DPY19L1: variants seen among roughly 807,000 people sequenced by gnomAD.
DPY19L1 encodes the protein protein C-mannosyl-transferase DPY19L1.
DPY19L1 carries 35 observed loss-of-function variants against 96.9 expected under a neutral mutation model. That is an observed-to-expected ratio of 0.36 (90% CI 0.28 to 0.48). The LOEUF (loss-of-function observed/expected upper bound fraction) is 0.48, where lower values mean the gene tolerates loss of function less well. Ranked by LOEUF, DPY19L1 falls within the 20% of genes least tolerant of loss-of-function variation. The probability of loss-of-function intolerance (pLI) is 0.99; values close to 1 mark genes in which losing one functional copy is unlikely to be tolerated. For missense variants in DPY19L1, 521 were observed against 777.9 expected, an observed-to-expected ratio of 0.67 and a Z score of 3.93; for synonymous variants, 205 against 252.6, an observed-to-expected ratio of 0.81 and a Z score of 1.79.
At chr7:35,005,576 A>T (rs1785532927) in intron 6 of DPY19L1, among the ~76,000 whole-genome samples, 1 of 145,000 alleles carries the variant, frequency 6.9e-6, no homozygotes, top group Non-Finnish European at 1.5e-5. Flanking sequence ...GGGTGGGTGG[A>T]TCACCTGAGG....
chr7:34,953,187 C>T (rs1475843418), intron 13 of DPY19L1, among the ~76,000 whole-genome samples: 1 of 152,118 alleles, frequency 6.6e-6, no homozygotes, highest in East Asian at 1.9e-4. Flanking sequence ...CTTCCTTTAA[C>T]CAATGTCAAA....
At chr7:34,958,545 T>C (rs1402795701) in intron 10 of DPY19L1, among the ~76,000 whole-genome samples, 1 of 152,248 alleles carries the variant, frequency 6.6e-6, no homozygotes, top group Non-Finnish European at 1.5e-5. Context: ...ATACAAACAC[T>C]GCTATGATAG....
At chr7:34,981,192 T>C (rs1024336831) in intron 7 of DPY19L1, among the ~76,000 whole-genome samples, 51 of 152,154 alleles carry the variant, frequency 3.4e-4, no homozygotes, top group African/African-American at 1.2e-3. Context: ...GGGAGACTAC[T>C]ACCAGCCAAA....
rs145264198 is a variant in DPY19L1 at position 34,979,739 on chromosome 7, A to C, written c.823-6134T>G. On this transcript the variant is annotated intron_variant, in intron 7 of 21. Coordinates refer to ENST00000638088, the MANE Select transcript of DPY19L1 (RefSeq NM_001366673.1). The stretch of plus-strand genomic sequence containing the variant: ...TAAAATATCTAGAGATTAATAAAAT[A>C]TGTGAAAAACATTAAACATTCCTGA... Among the ~76,000 whole-genome samples the C allele has an allele frequency of 6.9e-3, 1,055 of 152,280 alleles. 4 individuals carry two copies. The highest frequency in any genetic ancestry group is 0.011 in the Non-Finnish European group (773 of 67,972).
intron 3 of DPY19L1, among the ~76,000 whole-genome samples, 168 bp downstream of exon 3, chr7:35,017,714 T>C (rs1379367457): frequency 3.3e-5 from 5 of 151,520 alleles, no homozygotes; most frequent in African/African-American, 4.8e-5. Flanking sequence ...AAAAAAGACA[T>C]AGTGAGTGGG....
At chr7:34,978,425 C>T (rs1784873388) in intron 7 of DPY19L1, among the ~76,000 whole-genome samples, 1 of 152,114 alleles carries the variant, frequency 6.6e-6, no homozygotes, top group Non-Finnish European at 1.5e-5. Context: ...TAAAAGACTG[C>T]TGGCACCATG....
Position 34,989,874 on chromosome 7 carries a change from G to C in DPY19L1, c.822+10C>G. On this transcript the variant is annotated intron_variant, in intron 7 of 21. Transcript: ENST00000638088. ...AGAAGTAATTCTGAGAATAGTTTTT[G>C]ATTACCTACCTCTCCATGATTGAAA... The C allele has an allele frequency of 6.3e-7, 1 of 1,576,672 alleles. No homozygotes were observed. The highest frequency in any genetic ancestry group is 8.6e-7 in the Non-Finnish European group (1 of 1,166,118).
intron 7 of DPY19L1, among the ~76,000 whole-genome samples, chr7:34,982,732 C>T (rs755496991): frequency 3.9e-5 from 6 of 152,134 alleles, no homozygotes; most frequent in Non-Finnish European, 7.4e-5. Context: ...GGTACAAACA[C>T]AAAAATGAGT....
At chr7:34,949,931 C>A (rs1430047639) in intron 13 of DPY19L1, 33 bp from the exon 14 acceptor site, 2 of 1,090,062 alleles carry the variant, frequency 1.8e-6, no homozygotes, top group Non-Finnish European at 2.7e-6. Flanking sequence ...TTATATTAAG[C>A]CATACACTGC....
At chr7:35,037,812 C>T (rs1786483377), upstream of DPY19L1, 1 of 1,225,422 alleles carries the variant, frequency 8.2e-7, no homozygotes, top group South Asian at 4.1e-5. Context: ...GCCCGGCTAC[C>T]CACACCTCTT....
In DPY19L1 at chr7:34,958,176, T is replaced by C. The variant is rs1320184055; in HGVS notation, c.1093-106A>G. 4.7e-5 allele frequency: 32 copies of C among 674,868 alleles called. No individual in the cohort carries two copies. The East Asian group carries it at 6.4e-4, about 14-fold the overall frequency. 41.8% of individuals were successfully genotyped at this position (674,868 alleles called of 1,614,324 possible). Reference sequence around the variant, plus strand: ...CCCATAATAAACAAAATTCAAACTGTTGAAAAGGGACTATAAAACAGCCCA... The same window carrying C: ...CCCATAATAAACAAAATTCAAACTGCTGAAAAGGGACTATAAAACAGCCCA... On this transcript the variant is annotated intron_variant, in intron 10 of 21. Coordinates refer to ENST00000638088, the MANE Select transcript of DPY19L1 (RefSeq NM_001366673.1).
At chr7:35,035,069 A>G (rs1253382165) in intron 1 of DPY19L1, among the ~76,000 whole-genome samples, 1 of 152,194 alleles carries the variant, frequency 6.6e-6, no homozygotes, top group African/African-American at 2.4e-5. Context: ...TCAGTTTATG[A>G]CGGTACAGAG....
chr7:34,975,424 G>A (rs976204410), intron 7 of DPY19L1, among the ~76,000 whole-genome samples: 4 of 152,206 alleles, frequency 2.6e-5, no homozygotes, highest in Non-Finnish European at 4.4e-5. Context: ...TGAGAGAGGT[G>A]AGGAAGCTGC....
At chr7:35,037,943 G>A (rs1786490234), upstream of DPY19L1, 2 of 1,213,686 alleles carry the variant, frequency 1.6e-6, no homozygotes, top group African/African-American at 1.6e-5. Context: ...GGATCGGGGC[G>A]CTGATTCAAG....
At chr7:35,018,623 G>T (rs1454499800) in intron 1 of DPY19L1, 27 bp from the exon 2 acceptor site, 2 of 1,594,946 alleles carry the variant, frequency 1.3e-6, no homozygotes, top group Admixed American at 3.4e-5. Flanking sequence ...ATTTAAATTA[G>T]AATTTTAGCA....
In DPY19L1 at chr7:34,947,662, C is replaced by A; in HGVS notation, c.1462G>T (p.Val488Phe). 4.3e-6 allele frequency: 7 copies of A among 1,612,162 alleles called. No individual in the cohort carries two copies. The highest frequency in any genetic ancestry group is 5.9e-6 in the Non-Finnish European group (7 of 1,179,006). ...ACAATAGCAACAAACACTACAAGAA[C>A]AACTGGAAGCAATAATGTCTTTGTG... Reference protein sequence around the residue: ...RYTKTLLLPVVLVVFVAIVRK... With the variant: ...RYTKTLLLPVFLVVFVAIVRK... Residue 488 changes from valine to phenylalanine, a missense_variant, in exon 15 of 22, where the codon GTT becomes TTT. By Grantham distance (50) the Val-to-Phe change is conservative. Transcript: ENST00000638088.
chr7:34,991,730 T>C (rs1785172283), intron 6 of DPY19L1, among the ~76,000 whole-genome samples: 2 of 152,352 alleles, frequency 1.3e-5, no homozygotes, highest in South Asian at 4.1e-4. Context: ...CATTTTAGTA[T>C]GTGTCTGTTC....
intron 6 of DPY19L1, among the ~76,000 whole-genome samples, chr7:34,997,368 G>A (rs1295684181): frequency 6.7e-5 from 10 of 148,160 alleles, no homozygotes; most frequent in African/African-American, 1.5e-4. Flanking sequence ...CGAGGCGGGC[G>A]GATCACAACG....
rs937977278 is a variant in DPY19L1, at chr7:34,931,294, C to A, written c.*279G>T. On this transcript the variant is annotated 3_prime_UTR_variant, in exon 22 of 22. Transcript: ENST00000638088. ...CACAACCCACTGTGTTTTCTTTATA[C>A]AGGTAGCTTTGCTCACTTTAGCACA... is the stretch of plus-strand genomic sequence containing the variant. The A allele has an allele frequency of 1.0e-4, 24 of 235,466 alleles. 1 individual carries two copies. Among genetic ancestry groups the A allele is most frequent in the Non-Finnish European group, 1.6e-5 (2 of 124,578 alleles). 14.6% of individuals were successfully genotyped at this position (235,466 alleles called of 1,614,324 possible). A position where few individuals can be genotyped will look rare whatever the true frequency, so the allele number is the denominator to read the frequency against.
Sources: gnomAD v4.1 joint callset for allele counts (sites outside exome capture counted in the v4.1 genomes callset) on GRCh38, gnomAD v4.1.1 for gene constraint, MANE v1.5 for transcripts, NCBI Gene and HGNC (gene_info 2026-07-23, HGNC 2026-07-21) for gene names.